Variants in ST8SIA1 observed in about 807,000 individuals in gnomAD.
The protein encoded by ST8SIA1 is ST8 alpha-N-acetyl-neuraminide alpha-2,8-sialyltransferase 1.
A neutral mutation model predicts 35.9 loss-of-function variants in ST8SIA1; 16 were observed. The ratio of observed to expected loss-of-function variants is 0.45; its 90% confidence interval spans 0.30 to 0.68. The LOEUF (loss-of-function observed/expected upper bound fraction) is 0.68. Ranked by LOEUF, ST8SIA1 falls within the 30% of genes least tolerant of loss-of-function variation. The pLI is 0.09. For synonymous variants in ST8SIA1, 170 were observed against 169.6 expected (o/e 1.00, Z -0.02); for missense variants, 383 against 453.6 (o/e 0.84, Z 1.41).
At position 22,314,120 on chromosome 12, in the gene ST8SIA1, T is replaced by C. The variant is rs111232299; in HGVS notation, c.236+19877A>G. On this transcript the variant is annotated intron_variant, in intron 1 of 4. Coordinates refer to ENST00000396037, the MANE Select transcript of ST8SIA1 (RefSeq NM_003034.4). The stretch of plus-strand genomic sequence containing the variant: ...TCCATCCAGACTCCTGCTAGCTTAA[T>C]CCCACCACATGTACAAACAGCTGCT... 2.1e-4 allele frequency among the ~76,000 whole-genome samples: 32 copies of C among 152,194 alleles called. 1 individual carries two copies. The highest frequency in any genetic ancestry group is 7.5e-4 in the African/African-American group (31 of 41,546).
chr12:22,228,814 G>T, intron 4 of ST8SIA1, among the ~76,000 whole-genome samples: 1 of 152,082 alleles, frequency 6.6e-6, no homozygotes. Flanking sequence ...CTGGCACTTT[G>T]GGAGGCCAAG....
intron 1 of ST8SIA1, among the ~76,000 whole-genome samples, chr12:22,320,963 GAAAGAAAGAA>G (rs1866583780): frequency 1.4e-4 from 11 of 78,738 alleles, no homozygotes; most frequent in Non-Finnish European, 7.4e-5. Flanking sequence ...GAAAGAGAAA[GAAAGAAAGAA>G]AGAAAGAAAG....
rs1278082459 is a variant in ST8SIA1, at chr12:22,201,890, T to G, written c.733A>C (p.Asn245His). Residue 245 changes from asparagine to histidine, a missense_variant, in exon 5 of 5, where the codon AAT (asparagine) becomes CAT (histidine). Asn to His is a moderately conservative substitution (Grantham distance 68, BLOSUM62 1). Transcript: ENST00000396037. ...VYYTLSDVGA[N>H]QTVLFANPNF... is the part of the protein sequence containing the mutation. ...GGGTTGGCAAACAGCACTGTTTGAT[T>G]GGCACCAACATCTGACAGTGTATAA... is the stretch of plus-strand genomic sequence containing the variant. 1 of 1,614,148 alleles carries G rather than the reference T, an allele frequency of 6.2e-7. No homozygotes were observed. The highest frequency in any genetic ancestry group is 8.5e-7 in the Non-Finnish European group (1 of 1,179,982).
chr12:22,328,653 C>A (rs892266271), intron 1 of ST8SIA1, among the ~76,000 whole-genome samples: 4 of 152,150 alleles, frequency 2.6e-5, no homozygotes, highest in African/African-American at 9.7e-5. Context: ...GGATTACAAT[C>A]ATACATGCAT....
At chr12:22,217,604 AT>A (rs1865248166) in intron 4 of ST8SIA1, among the ~76,000 whole-genome samples, 1 of 152,200 alleles carries the variant, frequency 6.6e-6, no homozygotes, top group Non-Finnish European at 1.5e-5. Context: ...CAATTTTCTC[AT>A]TTGAAAAAAA....
intron 2 of ST8SIA1, among the ~76,000 whole-genome samples, chr12:22,260,350 C>T (rs1024227204): frequency 6.6e-6 from 1 of 151,964 alleles, no homozygotes; most frequent in African/African-American, 2.4e-5. Context: ...TTTGTAGAGA[C>T]GAGATTTCGC....
At chr12:22,329,792 C>A (rs1866735633) in intron 1 of ST8SIA1, among the ~76,000 whole-genome samples, 1 of 152,176 alleles carries the variant, frequency 6.6e-6, no homozygotes, top group African/African-American at 2.4e-5. Context: ...GACTTGACTG[C>A]TTAGAGTAAC....
At position 22,299,503 on chromosome 12, in the gene ST8SIA1, G is replaced by A. The variant is rs150510943; in HGVS notation, c.237-12210C>T. Among the ~76,000 whole-genome samples, 240 of 152,226 alleles carry A rather than the reference G, an allele frequency of 1.6e-3. 3 individuals carry two copies. The East Asian group carries it at 0.031, about 20-fold the overall frequency. On this transcript the variant is annotated intron_variant, in intron 1 of 4. Transcript: ENST00000396037. Reference sequence around the variant, plus strand: ...TCCAAGCATGTCATGAATAGTCTGTGTAAGTCCAATAAGAGGCTGTATTAA... The same window carrying A: ...TCCAAGCATGTCATGAATAGTCTGTATAAGTCCAATAAGAGGCTGTATTAA...
chr12:22,302,751 C>T (rs1317231138), intron 1 of ST8SIA1, among the ~76,000 whole-genome samples: 3 of 152,098 alleles, frequency 2.0e-5, no homozygotes, highest in Non-Finnish European at 4.4e-5. Flanking sequence ...GGCAAAGCTG[C>T]CTCCCATTCT....
chr12:22,302,713 G>C (rs1193292728), intron 1 of ST8SIA1, among the ~76,000 whole-genome samples: 2 of 152,152 alleles, frequency 1.3e-5, no homozygotes, highest in African/African-American at 4.8e-5. Context: ...CTAAGCTAAA[G>C]GGAAAAGTCA....
At chr12:22,305,048 T>C (rs574731957) in intron 1 of ST8SIA1, among the ~76,000 whole-genome samples, 1 of 152,324 alleles carries the variant, frequency 6.6e-6, no homozygotes, top group East Asian at 1.9e-4. Flanking sequence ...TGAAACAGAT[T>C]ATCAAGAGTT....
At chr12:22,293,979 C>G (rs1008465284) in intron 1 of ST8SIA1, among the ~76,000 whole-genome samples, 2 of 151,946 alleles carry the variant, frequency 1.3e-5, no homozygotes, top group East Asian at 1.9e-4. Context: ...CCAGCATATG[C>G]TAATTTTTTC....
chr12:22,333,964 G>C (rs924828999), intron 1 of ST8SIA1, 33 bp downstream of exon 1: 4 of 1,592,876 alleles, frequency 2.5e-6, no homozygotes, highest in Non-Finnish European at 3.4e-6. Context: ...AGGAAAGGAC[G>C]CTAGAGGGGA....
intron 1 of ST8SIA1, among the ~76,000 whole-genome samples, chr12:22,296,776 C>G (rs916768346): frequency 1.3e-5 from 2 of 152,128 alleles, no homozygotes; most frequent in African/African-American, 4.8e-5. Flanking sequence ...TGAGCAGGAG[C>G]ATAGGGGTGG....
At chr12:22,219,570 G>A (rs1865274126) in intron 4 of ST8SIA1, among the ~76,000 whole-genome samples, 1 of 152,130 alleles carries the variant, frequency 6.6e-6, no homozygotes, top group South Asian at 2.1e-4. Flanking sequence ...AGGTGACCCG[G>A]CAGGTTGATT....
intron 2 of ST8SIA1, among the ~76,000 whole-genome samples, chr12:22,281,019 ATTTC>A (rs887356375): frequency 4.6e-5 from 7 of 152,000 alleles, no homozygotes; most frequent in Non-Finnish European, 8.8e-5. Flanking sequence ...CAACACCTTT[ATTTC>A]TTTTCACTGT....
chr12:22,208,791 G>GA (rs1865143841), intron 4 of ST8SIA1, among the ~76,000 whole-genome samples: 1 of 152,116 alleles, frequency 6.6e-6, no homozygotes, highest in Non-Finnish European at 1.5e-5. Flanking sequence ...CATGTATGAT[G>GA]AAACAGGAGA....
At chr12:22,205,895 A>C (rs1865102144) in intron 4 of ST8SIA1, among the ~76,000 whole-genome samples, 1 of 152,232 alleles carries the variant, frequency 6.6e-6, no homozygotes, top group African/African-American at 2.4e-5. Flanking sequence ...AAGATAACTA[A>C]AGTAAAAAGG....
intron 1 of ST8SIA1, among the ~76,000 whole-genome samples, chr12:22,295,454 C>T (rs1367414899): frequency 6.6e-6 from 1 of 152,100 alleles, no homozygotes; most frequent in Non-Finnish European, 1.5e-5. Context: ...ACATGCAGGC[C>T]AGGCACTGTG....
Sources: allele counts gnomAD v4.1 joint callset (sites outside exome capture counted in the v4.1 genomes callset), GRCh38; gene constraint gnomAD v4.1.1; transcripts MANE v1.5; gene names NCBI Gene and HGNC (gene_info 2026-07-23, HGNC 2026-07-21).